CNN3: variants seen among roughly 807,000 people sequenced by gnomAD.
CNN3 encodes calponin-3.
CNN3 carries 11 observed loss-of-function variants against 39.0 expected under a neutral mutation model. The ratio of observed to expected loss-of-function variants is 0.28; its 90% CI spans 0.18 to 0.47. The LOEUF (loss-of-function observed/expected upper bound fraction) is 0.47, where lower values mean the gene tolerates loss of function less well. Among genes scored for constraint, CNN3 ranks in the 20% least tolerant of loss-of-function variants. The pLI is 0.99. For missense variants in CNN3, 266 were observed against 403.4 expected (o/e 0.66, Z 2.92); for synonymous variants, 101 against 138.3 (o/e 0.73, Z 1.89).
At chr1:94,899,598 A>T in intron 5 of CNN3, 81 bp from the exon 6 acceptor site, 1 of 1,444,444 alleles carries the variant, frequency 6.9e-7, no homozygotes, top group Non-Finnish European at 9.4e-7. Flanking sequence ...CCATGCTACC[A>T]AAAAGACAGA....
chr1:94,919,433 C>T (rs1205271397), intron 1 of CNN3, among the ~76,000 whole-genome samples: 2 of 152,188 alleles, frequency 1.3e-5, no homozygotes, highest in Admixed American at 6.5e-5. Flanking sequence ...TTTGAATTAA[C>T]CAACAGCAGG....
At chr1:94,903,267 G>A (rs980733818) in intron 2 of CNN3, 79 bp from the exon 3 acceptor site, 1 of 1,558,326 alleles carries the variant, frequency 6.4e-7, no homozygotes, top group African/African-American at 1.4e-5. Flanking sequence ...GCTCCCTTTA[G>A]CATCAGTAAG....
chr1:94,925,797 T>C, intron 1 of CNN3: 4 of 985,394 alleles, frequency 4.1e-6, no homozygotes, highest in Non-Finnish European at 4.8e-6. Flanking sequence ...CAGCCCTCCT[T>C]TGTGGCGCTT....
rs547326662 is a variant in CNN3, at chr1:94,897,633, A to T, written c.*109T>A. 5.8e-6 allele frequency: 6 copies of T among 1,035,756 alleles called. No individual in the cohort carries two copies. Among genetic ancestry groups the T allele is most frequent in the Non-Finnish European group, 7.0e-6 (5 of 713,498 alleles). 64.2% of individuals were successfully genotyped at this position (1,035,756 alleles called of 1,614,324 possible). On this transcript the variant is annotated 3_prime_UTR_variant, in exon 7 of 7. Coordinates refer to ENST00000370206, the MANE Select transcript of CNN3 (RefSeq NM_001839.5). Reference sequence around the variant, plus strand: ...GTAAGGCAATTTTTCTTAAAAGTACAATAAGCTTAATAGTGTTTTAGGAAG... The same window carrying T: ...GTAAGGCAATTTTTCTTAAAAGTACTATAAGCTTAATAGTGTTTTAGGAAG...
At chr1:94,917,762 G>C (rs752829722) in intron 1 of CNN3, among the ~76,000 whole-genome samples, 1 of 152,190 alleles carries the variant, frequency 6.6e-6, no homozygotes, top group Non-Finnish European at 1.5e-5. Context: ...CAAGCACTTA[G>C]GGTAGGAGTA....
intron 1 of CNN3, chr1:94,925,722 G>A (rs145230519): frequency 3.0e-6 from 3 of 985,478 alleles, no homozygotes; most frequent in East Asian, 2.3e-4. Context: ...CCAGCGGTCG[G>A]ACGGTGCGGT....
intron 4 of CNN3, 69 bp from the exon 5 acceptor site, chr1:94,901,854 A>T: frequency 8.9e-7 from 1 of 1,129,914 alleles, no homozygotes; most frequent in Non-Finnish European, 1.3e-6. Context: ...CAAAGAAATG[A>T]TATGTCCATA....
rs1370177614 is a variant in CNN3, at chr1:94,917,233, T to A, written c.57+9605A>T. Among the ~76,000 whole-genome samples the A allele has an allele frequency of 2.6e-5, 4 of 152,104 alleles. No individual in the cohort carries two copies. In the East Asian group the frequency reaches 7.7e-4, roughly 29 times the overall value. On this transcript the variant is annotated intron_variant, in intron 1 of 6. Transcript: ENST00000370206. ...GTATTTTTAGTAGAGATGGGTTTTCTCCATGTTGGTCAGGCTGGTCTCGAA... is the reference window on the plus strand; with the variant it reads ...GTATTTTTAGTAGAGATGGGTTTTCACCATGTTGGTCAGGCTGGTCTCGAA...
intron 1 of CNN3, among the ~76,000 whole-genome samples, chr1:94,914,204 G>A (rs931801574): frequency 8.5e-5 from 13 of 152,224 alleles, no homozygotes; most frequent in South Asian, 4.1e-4. Flanking sequence ...CTTGAGTCAG[G>A]AGCATGGGTA....
chr1:94,925,578 G>C (rs1459992187), intron 1 of CNN3: 21 of 979,144 alleles, frequency 2.1e-5, no homozygotes, highest in Non-Finnish European at 2.4e-5. Flanking sequence ...GACTAACAGC[G>C]GGAGACAAGA....
chr1:94,907,656 C>T (rs939555004), intron 1 of CNN3, among the ~76,000 whole-genome samples: 6 of 152,144 alleles, frequency 3.9e-5, no homozygotes, highest in Non-Finnish European at 7.3e-5. Flanking sequence ...GTCAGGAGAT[C>T]AAGACCATCC....
At chr1:94,906,493 G>A (rs900508074) in intron 1 of CNN3, among the ~76,000 whole-genome samples, 17 of 151,964 alleles carry the variant, frequency 1.1e-4, no homozygotes, top group Admixed American at 1.3e-4. Flanking sequence ...AAGTGAGGGC[G>A]TTCTCAACTA....
chr1:94,898,955 G>A (rs1670792454), intron 6 of CNN3, among the ~76,000 whole-genome samples: 1 of 151,954 alleles, frequency 6.6e-6, no homozygotes, highest in Admixed American at 6.6e-5. Flanking sequence ...TCACCATGTT[G>A]CATTTCCATC....
At chr1:94,908,551 G>A (rs546805211) in intron 1 of CNN3, among the ~76,000 whole-genome samples, 1 of 152,140 alleles carries the variant, frequency 6.6e-6, no homozygotes, top group African/African-American at 2.4e-5. Flanking sequence ...TTGTTTGTTT[G>A]TTTTTTTGAG....
At chr1:94,906,765 T>TA (rs1438538290) in intron 1 of CNN3, among the ~76,000 whole-genome samples, 2 of 152,228 alleles carry the variant, frequency 1.3e-5, no homozygotes, top group East Asian at 1.9e-4. Flanking sequence ...AAAATTATGT[T>TA]AGAGTAGTTT....
chr1:94,899,048 G>C (rs1007195319), intron 6 of CNN3, among the ~76,000 whole-genome samples: 1 of 150,908 alleles, frequency 6.6e-6, no homozygotes, highest in African/African-American at 2.4e-5. Context: ...TTAATTAAGG[G>C]CTCCTTAAAA....
chr1:94,926,294 C>A lies in CNN3; in HGVS notation c.57+544G>T, dbSNP rs1671577345. Among the ~76,000 whole-genome samples the A allele has an allele frequency of 1.3e-5, 2 of 152,180 alleles. No homozygotes were observed. Among genetic ancestry groups the A allele is most frequent in the African/African-American group, 2.4e-5 (1 of 41,446 alleles). ...GCCTCCCAGGCACCGAGATCGGAGA[C>A]TGTGATGGGTCCCGGACCGGCTTCC... On this transcript the variant is annotated intron_variant, in intron 1 of 6. Transcript: ENST00000370206. The surrounding 1 kb of genome is among the most constrained non-coding windows in gnomAD (Gnocchi z 4.2).
chr1:94,899,763 G>A (rs1225306784), intron 5 of CNN3, among the ~76,000 whole-genome samples: 1 of 152,098 alleles, frequency 6.6e-6, no homozygotes, highest in East Asian at 1.9e-4. Context: ...TTAACAGGTG[G>A]ACTGACACAC....
Position 94,903,113 on chromosome 1 carries a change from G to C in CNN3, c.246+9C>G. The C allele has an allele frequency of 6.4e-7, 1 of 1,568,694 alleles. No individual in the cohort carries two copies. Among genetic ancestry groups the C allele is most frequent in the East Asian group, 2.3e-5 (1 of 42,560 alleles). On this transcript the variant is annotated intron_variant, in intron 3 of 6. Coordinates refer to ENST00000370206, the MANE Select transcript of CNN3 (RefSeq NM_001839.5). ...AACTAGAACCAGAGGTGGTTGGTTT[G>C]GCTGTTACCTGAGGCCAGTTCAGTG...
Sources: gnomAD v4.1 joint callset for allele counts (sites outside exome capture counted in the v4.1 genomes callset) on GRCh38, gnomAD v4.1.1 for gene constraint, Gnocchi (gnomAD v3.1) non-coding constraint, MANE v1.5 for transcripts, NCBI Gene and HGNC (gene_info 2026-07-23, HGNC 2026-07-21) for gene names.